Variants in ATRNL1 observed in about 807,000 individuals in gnomAD.
ATRNL1 encodes attractin like 1.
Under a neutral mutation model 182.7 loss-of-function variants are expected in ATRNL1, and 95 were observed. The observed-to-expected ratio is 0.52, with a 90% CI of 0.44 to 0.62. The LOEUF is 0.62. Ranked by LOEUF, ATRNL1 falls within the 20% of genes least tolerant of loss-of-function variation. ATRNL1 has a pLI of 0.00. For missense variants in ATRNL1, 1,471 were observed against 1,679.5 expected (o/e 0.88, Z 2.17); for synonymous variants, 576 against 568.3 (o/e 1.01, Z -0.19).
chr10:115,868,819 A>ATTTTTTTTTTTTTTTTTTTTTT (rs1555105343), intron 28 of ATRNL1, among the ~76,000 whole-genome samples: 1 of 98,286 alleles, frequency 1.0e-5, no homozygotes, highest in Non-Finnish European at 2.1e-5. Context: ...GCAAGTCTTT[A>ATTTTTTTTTTTTTTTTTTTTTT]TTCTTTTTTT....
Position 115,742,246 on chromosome 10 carries a change from T to G in ATRNL1, c.3903+14891T>G, listed in dbSNP as rs570269205. On this transcript the variant is annotated intron_variant, in intron 27 of 28. Coordinates refer to ENST00000355044, the MANE Select transcript of ATRNL1 (RefSeq NM_207303.4). The stretch of plus-strand genomic sequence containing the variant: ...TGGCAGTTTCAAGAGAAAGTTTTTT[T>G]GGGGAAGAAATATTCAAGGGAAAAA... Among the ~76,000 whole-genome samples, 81 of 152,126 alleles carry G rather than the reference T, an allele frequency of 5.3e-4. 2 individuals are homozygous for G. The highest frequency in any genetic ancestry group is 1.8e-3 in the African/African-American group (74 of 41,510).
At chr10:115,335,940 T>G (rs1855460626) in intron 19 of ATRNL1, among the ~76,000 whole-genome samples, 1 of 152,160 alleles carries the variant, frequency 6.6e-6, no homozygotes, top group Admixed American at 6.5e-5. Context: ...CAAATAAAGA[T>G]AGGTGAATGG....
intron 18 of ATRNL1, among the ~76,000 whole-genome samples, chr10:115,318,473 A>G (rs11197158): frequency 0.97 from 147,108 of 152,220 alleles, 71,105 homozygotes; most frequent in East Asian, 1. Context: ...GTATTAGGTC[A>G]TCTTTGTACC....
At chr10:115,155,058 CCTT>C (rs1456844566) in intron 5 of ATRNL1, among the ~76,000 whole-genome samples, 2 of 152,106 alleles carry the variant, frequency 1.3e-5, no homozygotes, top group African/African-American at 2.4e-5. Flanking sequence ...TATAAAATGA[CCTT>C]CTTTGTCTCT....
intron 26 of ATRNL1, among the ~76,000 whole-genome samples, chr10:115,713,719 T>TCATCTATCTAG (rs1261188793): frequency 4.0e-5 from 6 of 151,430 alleles, no homozygotes; most frequent in African/African-American, 1.5e-4. Context: ...TATCTATCTA[T>TCATCTATCTAG]CTATCTATCT....
intron 28 of ATRNL1, among the ~76,000 whole-genome samples, chr10:115,873,570 A>G (rs1555106572): frequency 1.3e-5 from 2 of 152,204 alleles, no homozygotes; most frequent in African/African-American, 4.8e-5. Flanking sequence ...TATGTAGATT[A>G]TCTGACCCTT....
chr10:115,163,866 T>C (rs1288940476), intron 6 of ATRNL1, among the ~76,000 whole-genome samples: 2 of 152,212 alleles, frequency 1.3e-5, no homozygotes, highest in Non-Finnish European at 2.9e-5. Context: ...GTGGAAGTTA[T>C]GTTCTGATTA....
chr10:115,848,165 T>A (rs1270259281), intron 28 of ATRNL1, among the ~76,000 whole-genome samples, 174 bp downstream of exon 28: 3 of 152,192 alleles, frequency 2.0e-5, no homozygotes, highest in Non-Finnish European at 4.4e-5. Context: ...CCTGCATTGT[T>A]ATAAAGGTAG....
intron 26 of ATRNL1, among the ~76,000 whole-genome samples, chr10:115,676,011 G>T (rs1488799666): frequency 1.3e-5 from 2 of 151,834 alleles, no homozygotes; most frequent in Non-Finnish European, 2.9e-5. Context: ...AAATAACACC[G>T]GGCAAAATTT....
chr10:115,622,062 T>C (rs550196090), intron 26 of ATRNL1, among the ~76,000 whole-genome samples: 51 of 152,292 alleles, frequency 3.3e-4, no homozygotes, highest in African/African-American at 1.2e-3. Flanking sequence ...TAAGAATTAC[T>C]GCTTTTTTCC....
chr10:115,542,041 G>C (rs1047993842), intron 25 of ATRNL1, among the ~76,000 whole-genome samples: 4 of 152,142 alleles, frequency 2.6e-5, no homozygotes, highest in African/African-American at 9.7e-5. Context: ...AAGAAACACT[G>C]TATACATTGT....
chr10:115,897,773 T>C lies in ATRNL1; in HGVS notation c.4019-46885T>C, dbSNP rs565284586. Among the ~76,000 whole-genome samples, 6 of 152,274 alleles carry C rather than the reference T, an allele frequency of 3.9e-5. No homozygotes were observed. In the East Asian group the frequency reaches 1.2e-3, roughly 29 times the overall value. ...AACTAAAATGTAAAAGAAAACACAGTGCGGATCATAACCAACACTTTCGCC... is the reference window on the plus strand; with the variant it reads ...AACTAAAATGTAAAAGAAAACACAGCGCGGATCATAACCAACACTTTCGCC... On this transcript the variant is annotated intron_variant, in intron 28 of 28. Coordinates refer to ENST00000355044, the MANE Select transcript of ATRNL1 (RefSeq NM_207303.4).
At chr10:115,874,935 A>G (rs782582914) in intron 28 of ATRNL1, among the ~76,000 whole-genome samples, 3 of 152,178 alleles carry the variant, frequency 2.0e-5, no homozygotes, top group East Asian at 1.9e-4. Context: ...TTTTGAGGAC[A>G]TTTACTTTTC....
intron 28 of ATRNL1, among the ~76,000 whole-genome samples, chr10:115,931,749 T>C (rs2134594262): frequency 6.6e-6 from 1 of 152,332 alleles, no homozygotes; most frequent in East Asian, 1.9e-4. Context: ...CATGTGCTAA[T>C]AGTTTCTATC....
At chr10:115,312,504 A>T (rs559098657) in intron 17 of ATRNL1, among the ~76,000 whole-genome samples, 3 of 152,216 alleles carry the variant, frequency 2.0e-5, no homozygotes, top group African/African-American at 4.8e-5. Context: ...TTCTTTATAG[A>T]TTATCTGATA....
chr10:115,901,685 T>A (rs1328587156), intron 28 of ATRNL1, among the ~76,000 whole-genome samples: 1 of 142,470 alleles, frequency 7.0e-6, no homozygotes, highest in Non-Finnish European at 1.5e-5. Context: ...TACACTGACC[T>A]GCAGAACAGT....
At chr10:115,223,913 G>GTGTGTATATATA (rs71476115) in intron 9 of ATRNL1, among the ~76,000 whole-genome samples, 48 of 55,920 alleles carry the variant, frequency 8.6e-4, no homozygotes, top group African/African-American at 1.9e-3. Flanking sequence ...GTGTGTGTGT[G>GTGTGTATATATA]TATATATATA....
chr10:115,929,007 G>A (rs781990895), intron 28 of ATRNL1, among the ~76,000 whole-genome samples: 19 of 151,868 alleles, frequency 1.3e-4, no homozygotes, highest in Non-Finnish European at 2.5e-4. Flanking sequence ...CTTCTTTAGT[G>A]TTCACTATTC....
intron 26 of ATRNL1, among the ~76,000 whole-genome samples, chr10:115,636,094 C>T (rs577477349): frequency 3.0e-4 from 45 of 152,146 alleles, no homozygotes; most frequent in African/African-American, 9.2e-4. Context: ...GTTCAATTTT[C>T]GAAAATTAGT....
Sources: allele counts gnomAD v4.1 joint callset (sites outside exome capture counted in the v4.1 genomes callset), GRCh38; gene constraint gnomAD v4.1.1; transcripts MANE v1.5; gene names NCBI Gene and HGNC (gene_info 2026-07-23, HGNC 2026-07-21).